The following PREX1 variants were observed in gnomAD, a reference collection of about 807,000 sequenced individuals.
PREX1 encodes phosphatidylinositol 3,4,5-trisphosphate-dependent Rac exchanger 1 protein.
Under a neutral mutation model 198.3 loss-of-function variants are expected in PREX1, and 41 were observed. The observed-to-expected ratio is 0.21, with a 90% CI of 0.16 to 0.27. PREX1 has a LOEUF of 0.27. PREX1 is among the 10% of genes least tolerant of loss of function. The pLI, the probability that PREX1 is intolerant of heterozygous loss-of-function variation, is 1.00. For synonymous variants in PREX1, 843 were observed against 887.2 expected, an observed-to-expected ratio of 0.95 and a Z score of 0.89; for missense variants, 1,620 against 2,200.7, an observed-to-expected ratio of 0.74 and a Z score of 5.28.
intron 25 of PREX1, 147 bp from the exon 26 acceptor site, chr20:48,646,204 A>T: frequency 1.3e-6 from 1 of 757,030 alleles, no homozygotes. Flanking sequence ...GCCAAGCTAC[A>T]CAAGGCTCTA....
chr20:48,798,923 G>A (rs2090374335), intron 1 of PREX1, among the ~76,000 whole-genome samples: 1 of 152,164 alleles, frequency 6.6e-6, no homozygotes, highest in Non-Finnish European at 1.5e-5. Flanking sequence ...TTGAGACAGA[G>A]TCTCGCTCTG....
Position 48,681,220 on chromosome 20 carries a change from C to A in PREX1, c.1435+15G>T. 6.2e-7 allele frequency: 1 copy of A among 1,611,766 alleles called. No individual in the cohort carries two copies. On this transcript the variant is annotated intron_variant, in intron 11 of 39. Transcript: ENST00000371941. Reference sequence around the variant, plus strand: ...TCCCACCCCTTGGCCCAGCTGGGCCCAGCCCTCCACTCACCATGGTGGATG... The same window carrying A: ...TCCCACCCCTTGGCCCAGCTGGGCCAAGCCCTCCACTCACCATGGTGGATG...
At chr20:48,733,764 T>A (rs2090045320) in intron 4 of PREX1, among the ~76,000 whole-genome samples, 1 of 150,174 alleles carries the variant, frequency 6.7e-6, no homozygotes, top group African/African-American at 2.5e-5. Flanking sequence ...TTTTTTGTTT[T>A]TTTTGAGGCC....
At chr20:48,758,260 A>G (rs1014167441) in intron 1 of PREX1, among the ~76,000 whole-genome samples, 5 of 152,186 alleles carry the variant, frequency 3.3e-5, no homozygotes, top group Non-Finnish European at 7.3e-5. Flanking sequence ...TCTGTACATC[A>G]GCCCTGTCTG....
At position 48,630,777 on chromosome 20, in the gene PREX1, C is replaced by A. The variant is rs1414008309; in HGVS notation, c.4544G>T (p.Arg1515Leu). The A allele has an allele frequency of 1.9e-6, 3 of 1,590,468 alleles. No individual in the cohort carries two copies. The East Asian group carries it at 6.7e-5, about 36-fold the overall frequency. ...YRKLRAFYLE[R>L]SNLPTDASTT... ...GCTGGCATCCGTGGGCAGGTTAGACCGCTCCAGGTAAAATGCCCTGCGAGA... is the reference window on the plus strand; with the variant it reads ...GCTGGCATCCGTGGGCAGGTTAGACAGCTCCAGGTAAAATGCCCTGCGAGA... Residue 1515 changes from arginine (R) to leucine (L), a missense_variant, in exon 36 of 40, where the codon CGG becomes CTG. By Grantham distance (102) the Arg-to-Leu change is moderately radical (BLOSUM62 -2). Transcript: ENST00000371941.
intron 20 of PREX1, 142 bp from the exon 21 acceptor site, chr20:48,652,848 A>G: frequency 9.7e-7 from 1 of 1,026,220 alleles, no homozygotes; most frequent in Non-Finnish European, 1.4e-6. Context: ...CACCGTGCAC[A>G]GTCTATGCTC....
intron 14 of PREX1, among the ~76,000 whole-genome samples, chr20:48,670,712 C>T (rs945500662): frequency 6.6e-6 from 1 of 152,216 alleles, no homozygotes; most frequent in African/African-American, 2.4e-5. Flanking sequence ...GCCCTTGATT[C>T]TCCTAGGCCT....
At chr20:48,698,702 G>A (rs906844312) in intron 7 of PREX1, among the ~76,000 whole-genome samples, 6 of 152,180 alleles carry the variant, frequency 3.9e-5, no homozygotes, top group African/African-American at 1.4e-4. Flanking sequence ...AGAACAGGGG[G>A]GAAAGGGCAA....
intron 1 of PREX1, among the ~76,000 whole-genome samples, chr20:48,813,315 C>T (rs1164947105): frequency 1.3e-5 from 2 of 152,240 alleles, no homozygotes; most frequent in African/African-American, 4.8e-5. Flanking sequence ...AGCATGAGCA[C>T]ATCTCAGTGG....
rs1398488821 is a variant in PREX1 at position 48,658,177 on chromosome 20, C to T, written c.1933G>A (p.Ala645Thr). The part of the protein sequence containing the change: ...YGFDIEEKNK[A>T]VVVKSVQRGS... The stretch of plus-strand genomic sequence containing the variant: ...CTCTGGACGGACTTCACCACCACAG[C>T]CTTGTTCTTCTCCTCGATGTCAAAG... Residue 645 changes from alanine (A) to threonine (T), a missense_variant, in exon 17 of 40, where the codon GCT becomes ACT. Physicochemically the swap from Ala to Thr is moderately conservative, Grantham distance 58. Coordinates refer to ENST00000371941, the MANE Select transcript of PREX1 (RefSeq NM_020820.4). 1 of 1,614,224 alleles carries T rather than the reference C, an allele frequency of 6.2e-7. No homozygotes were observed.
intron 1 of PREX1, among the ~76,000 whole-genome samples, chr20:48,800,390 C>T (rs1216269564): frequency 6.6e-6 from 1 of 152,158 alleles, no homozygotes; most frequent in Non-Finnish European, 1.5e-5. Context: ...CAGTCCTAAG[C>T]AAACTGGGGC....
intron 25 of PREX1, among the ~76,000 whole-genome samples, chr20:48,647,602 C>T (rs1049767837): frequency 5.9e-5 from 9 of 151,876 alleles, no homozygotes; most frequent in Admixed American, 3.3e-4. Context: ...GATGCAATCC[C>T]ACCACATCTC....
chr20:48,872,654 G>T, the PREX1 span, among the ~76,000 whole-genome samples: 8 of 152,172 alleles, frequency 5.3e-5, no homozygotes, highest in Admixed American at 5.2e-4. Context: ...GCTGAGGCAG[G>T]AGAATCACTT....
Position 48,737,215 on chromosome 20 carries a change from C to CAAAAAAA in PREX1, c.415-2572_415-2566dup, listed in dbSNP as rs140010281. 2.0e-4 allele frequency among the ~76,000 whole-genome samples: 7 copies of CAAAAAAA among 35,300 alleles called. 2 individuals carry two copies. Among genetic ancestry groups the CAAAAAAA allele is most frequent in the South Asian group, 2.2e-3 (2 of 892 alleles). The allele number at this position is 35,300 out of a possible 152,430, so 23.2% of individuals were successfully genotyped here. On this transcript the variant is annotated intron_variant, in intron 3 of 39. Transcript: ENST00000371941. ...GCAGTAGGTGGGAAGGTTTTGACAG[C>CAAAAAAA]AAAAAAAAAAAAAAAAAAAAAAAAA... is the stretch of plus-strand genomic sequence containing the variant.
chr20:48,667,916 C>T (rs557363909), intron 14 of PREX1, among the ~76,000 whole-genome samples: 22 of 152,292 alleles, frequency 1.4e-4, no homozygotes, highest in South Asian at 8.3e-4. Flanking sequence ...GGAAAAGCAG[C>T]GCTGATTGTC....
chr20:48,744,315 C>A (rs970019073), intron 3 of PREX1, among the ~76,000 whole-genome samples: 2 of 152,092 alleles, frequency 1.3e-5, no homozygotes, highest in African/African-American at 4.8e-5. Context: ...TGAGTCTGGC[C>A]ATCAACCTTA....
chr20:48,826,611 T>C lies in PREX1; in HGVS notation c.219+1031A>G, dbSNP rs149415931. Among the ~76,000 whole-genome samples, 695 of 152,232 alleles carry C rather than the reference T, an allele frequency of 4.6e-3. 6 individuals are homozygous for C. The highest frequency in any genetic ancestry group is 0.016 in the African/African-American group (666 of 41,532). On this transcript the variant is annotated intron_variant, in intron 1 of 39. Coordinates refer to ENST00000371941, the MANE Select transcript of PREX1 (RefSeq NM_020820.4). ...TAGCTCACGCCTGTAATCCCTGCAC[T>C]TTGGAGGCCGAGGTCGGCGGATCAC...
At chr20:48,803,678 A>T (rs2090397521) in intron 1 of PREX1, among the ~76,000 whole-genome samples, 1 of 152,130 alleles carries the variant, frequency 6.6e-6, no homozygotes, top group South Asian at 2.1e-4. Context: ...TCGTGCCCTG[A>T]GTCCTGCTCT....
At chr20:48,687,585 T>C (rs770800214) in intron 10 of PREX1, among the ~76,000 whole-genome samples, 8 of 152,176 alleles carry the variant, frequency 5.3e-5, no homozygotes, top group South Asian at 2.1e-4. Context: ...TTTAGGGAAG[T>C]TGGGGGGAGT....
Sources: gnomAD v4.1 joint callset for allele counts (sites outside exome capture counted in the v4.1 genomes callset) on GRCh38, gnomAD v4.1.1 for gene constraint, MANE v1.5 for transcripts, NCBI Gene and HGNC (gene_info 2026-07-23, HGNC 2026-07-21) for gene names.